C3orf33: variants seen among roughly 807,000 people sequenced by gnomAD.
C3orf33 encodes AP-1 activity suppressor.
Under a neutral mutation model 28.7 loss-of-function variants are expected in C3orf33, and 23 were observed. The observed-to-expected ratio is 0.80, with a 90% CI of 0.58 to 1.13. C3orf33 has a LOEUF of 1.13. Among genes scored for constraint, C3orf33 ranks in the 50% most tolerant of loss-of-function variants. The probability of loss-of-function intolerance (pLI) is 0.00; values close to 1 mark genes in which losing one functional copy is unlikely to be tolerated. For synonymous variants in C3orf33, 119 were observed against 120.5 expected, an observed-to-expected ratio of 0.99 and a Z score of 0.08; for missense variants, 327 against 353.4, an observed-to-expected ratio of 0.93 and a Z score of 0.60.
intron 2 of C3orf33, among the ~76,000 whole-genome samples, chr3:155,784,605 C>T (rs995009273): frequency 4.0e-5 from 6 of 151,708 alleles, no homozygotes; most frequent in African/African-American, 1.5e-4. Flanking sequence ...CTAGGTGTGG[C>T]AGTGAGTACC....
At chr3:155,785,899 G>A (rs1168078883) in intron 2 of C3orf33, among the ~76,000 whole-genome samples, 1 of 152,056 alleles carries the variant, frequency 6.6e-6, no homozygotes, top group African/African-American at 2.4e-5. Flanking sequence ...CATTAGCCAG[G>A]TGTGGTGGCA....
At chr3:155,779,180 C>CA (rs1379637235) in intron 2 of C3orf33, among the ~76,000 whole-genome samples, 3 of 151,936 alleles carry the variant, frequency 2.0e-5, no homozygotes, top group African/African-American at 4.8e-5. Context: ...TCCTCACCAC[C>CA]AAAAAAAGTT....
chr3:155,790,536 G>T (rs534679711), intron 2 of C3orf33, among the ~76,000 whole-genome samples: 1 of 152,280 alleles, frequency 6.6e-6, no homozygotes, highest in East Asian at 1.9e-4. Flanking sequence ...CCAAAAATCA[G>T]GTGAGCAATC....
intron 2 of C3orf33, among the ~76,000 whole-genome samples, chr3:155,787,347 C>CTTT (rs3068987): frequency 1.2e-4 from 13 of 104,112 alleles, no homozygotes; most frequent in South Asian, 3.3e-4. Context: ...CACAGGTATG[C>CTTT]TTTTTTTTTT....
chr3:155,786,692 A>C (rs187017370), intron 2 of C3orf33, among the ~76,000 whole-genome samples: 17 of 152,098 alleles, frequency 1.1e-4, no homozygotes. Context: ...TTAGCTGAGC[A>C]TGGTGGCAGG....
chr3:155,770,831 C>T (rs1173763776), intron 3 of C3orf33, among the ~76,000 whole-genome samples: 2 of 152,036 alleles, frequency 1.3e-5, no homozygotes, highest in African/African-American at 4.8e-5. Flanking sequence ...CCCGCCACCA[C>T]ACCCAGCTAA....
intron 2 of C3orf33, among the ~76,000 whole-genome samples, chr3:155,799,423 C>T (rs944953211): frequency 9.9e-5 from 15 of 152,172 alleles, no homozygotes; most frequent in Non-Finnish European, 1.6e-4. Flanking sequence ...GTGCAGTGGA[C>T]CATGTCTGTA....
In C3orf33 at chr3:155,763,306, T is replaced by A. The variant is rs186380801; in HGVS notation, c.*211A>T. 110 of 377,000 alleles carry A rather than the reference T, an allele frequency of 2.9e-4. 1 individual carries two copies. In the East Asian group the frequency reaches 4.1e-3, roughly 14 times the overall value. 23.4% of individuals were successfully genotyped at this position (377,000 alleles called of 1,614,324 possible). On this transcript the variant is annotated 3_prime_UTR_variant, in exon 5 of 5. Transcript: ENST00000340171. ...TGGTAACTTCTCATAAAGTGTTTCA[T>A]CCTTCCTAAAATCATATTACATTAA...
At chr3:155,785,701 A>G (rs553340673) in intron 2 of C3orf33, among the ~76,000 whole-genome samples, 2 of 152,310 alleles carry the variant, frequency 1.3e-5, no homozygotes, top group South Asian at 2.1e-4. Flanking sequence ...AAGCAGTGCT[A>G]AGGGAGAAAT....
rs371372549 is a variant in C3orf33 at position 155,802,601 on chromosome 3, G to A, written c.115-10C>T. On this transcript the variant is annotated splice_polypyrimidine_tract_variant and intron_variant, in intron 1 of 4. Transcript: ENST00000340171. ...TTCCAGTGCTGATGTTCTACAGAAA[G>A]AGATTTAAGGGTTAACCCTCACTAA... 511 of 1,585,894 alleles carry A rather than the reference G, an allele frequency of 3.2e-4. 3 individuals carry two copies. In the African/African-American group the frequency reaches 5.3e-3, roughly 17 times the overall value.
intron 2 of C3orf33, among the ~76,000 whole-genome samples, chr3:155,791,290 G>T (rs1415802672): frequency 6.6e-6 from 1 of 152,044 alleles, no homozygotes; most frequent in Admixed American, 6.6e-5. Context: ...CCTGACTCTA[G>T]AGCCCTTGGG....
At chr3:155,793,207 T>C (rs1376954154) in intron 2 of C3orf33, among the ~76,000 whole-genome samples, 1 of 109,748 alleles carries the variant, frequency 9.1e-6, no homozygotes, top group African/African-American at 2.9e-5. Context: ...AATATATATG[T>C]GGCAAAAAAA....
At chr3:155,797,012 A>G (rs1297451266) in intron 2 of C3orf33, among the ~76,000 whole-genome samples, 3 of 152,056 alleles carry the variant, frequency 2.0e-5, no homozygotes, top group Non-Finnish European at 4.4e-5. Context: ...TCAACATGGC[A>G]AAACCCCGCC....
intron 4 of C3orf33, 80 bp from the exon 5 acceptor site, chr3:155,763,998 C>A: frequency 9.1e-7 from 1 of 1,101,096 alleles, no homozygotes; most frequent in Non-Finnish European, 1.2e-6. Flanking sequence ...CCTTAAAAAT[C>A]AGTCATTCAA....
intron 2 of C3orf33, among the ~76,000 whole-genome samples, chr3:155,798,244 G>C (rs1001723381): frequency 5.3e-5 from 8 of 152,080 alleles, no homozygotes; most frequent in African/African-American, 1.9e-4. Context: ...AAATACCAAT[G>C]GCATTCTTCA....
At chr3:155,773,899 C>T (rs78772387) in intron 3 of C3orf33, among the ~76,000 whole-genome samples, 1 of 152,180 alleles carries the variant, frequency 6.6e-6, no homozygotes, top group Non-Finnish European at 1.5e-5. Flanking sequence ...GGTAATCTCT[C>T]TTCAGGGAGC....
At chr3:155,774,676 T>G (rs1346468927) in intron 3 of C3orf33, among the ~76,000 whole-genome samples, 1 of 150,656 alleles carries the variant, frequency 6.6e-6, no homozygotes, top group Non-Finnish European at 1.5e-5. Flanking sequence ...CTTTTTTTTT[T>G]TTTTTTTTTT....
At position 155,763,592 on chromosome 3, in the gene C3orf33, G is replaced by A; in HGVS notation, c.810C>T (p.Asp270=). ...KLKRTYEIWK[D]NMNNCSLILK... ...GTATTAAGGAGCAGTTGTTCATGTT[G>A]TCTTTCCATATTTCATAAGTCCTTT... The change falls in exon 5 of 5, where the codon GAC becomes GAT. Residue 270 remains aspartate, a synonymous_variant. Coordinates refer to ENST00000340171, the MANE Select transcript of C3orf33 (RefSeq NM_001308229.2). 6.3e-7 allele frequency: 1 copy of A among 1,581,270 alleles called. No homozygotes were observed. Among genetic ancestry groups the A allele is most frequent in the Non-Finnish European group, 8.5e-7 (1 of 1,171,584 alleles).
At chr3:155,775,922 C>A in intron 2 of C3orf33, 74 bp from the exon 3 acceptor site, 1 of 1,124,384 alleles carries the variant, frequency 8.9e-7, no homozygotes, top group Non-Finnish European at 1.3e-6. Context: ...GTCAAATTAT[C>A]AAAACATTTC....
Sources: allele counts gnomAD v4.1 joint callset (sites outside exome capture counted in the v4.1 genomes callset), GRCh38; gene constraint gnomAD v4.1.1; transcripts MANE v1.5; gene names NCBI Gene and HGNC (gene_info 2026-07-23, HGNC 2026-07-21).